Variants in ECPAS observed in about 807,000 individuals in gnomAD.
The protein encoded by ECPAS is proteasome adapter and scaffold protein ECM29.
In ECPAS, 70 loss-of-function variants were observed where a neutral mutation model predicts 255.1. That is an observed-to-expected ratio of 0.27 (90% confidence interval 0.23 to 0.33). The LOEUF is 0.33. ECPAS is among the 10% of genes least tolerant of loss of function. The probability of loss-of-function intolerance (pLI) is 1.00; values close to 1 mark genes in which losing one functional copy is unlikely to be tolerated. For synonymous variants in ECPAS, 784 were observed against 775.0 expected, an observed-to-expected ratio of 1.01 and a Z score of -0.19; for missense variants, 1,817 against 2,206.4, an observed-to-expected ratio of 0.82 and a Z score of 3.54.
At position 111,385,390 on chromosome 9, in the gene ECPAS, CAAT is replaced by C. The variant is rs1267326565; in HGVS notation, c.3577_3579del (p.Ile1193del). ...GTTTCCCAAATTTCTGGAAGTTTAT[CAAT>C]GATGTCATCTAAGGGTCTTCCTCTC... On this transcript the variant is annotated inframe_deletion, in exon 33 of 50. Coordinates refer to ENST00000684092, the MANE Select transcript of ECPAS (RefSeq NM_001364929.1). The C allele has an allele frequency of 8.2e-6, 13 of 1,582,818 alleles. No homozygotes were observed. The highest frequency in any genetic ancestry group is 1.3e-5 in the African/African-American group (1 of 74,444).
chr9:111,373,190 C>A lies in ECPAS; in HGVS notation c.4316G>T (p.Gly1439Val). 6.2e-7 allele frequency: 1 copy of A among 1,613,520 alleles called. No homozygotes were observed. The highest frequency in any genetic ancestry group is 8.5e-7 in the Non-Finnish European group (1 of 1,179,546). The change falls in exon 41 of 50, where the codon GGG (glycine) becomes GTG (valine). Residue 1439 changes from glycine to valine, a missense_variant. This residue lies in a region of ECPAS where 960 missense variants were observed against 1,179.0 expected (regional missense o/e 0.81). Coordinates refer to ENST00000684092, the MANE Select transcript of ECPAS (RefSeq NM_001364929.1). ...STEKLLQKLN[G>V]WYMEKEEPIY... ...GGTACCTTCTTTCTCCATATACCAC[C>A]CATTGAGCTTCTGCAGGAGTTTTTC...
At chr9:111,480,960 A>C (rs975212861) in intron 1 of ECPAS, among the ~76,000 whole-genome samples, 1 of 152,242 alleles carries the variant, frequency 6.6e-6, no homozygotes, top group Non-Finnish European at 1.5e-5. Flanking sequence ...CCACTTCAGA[A>C]TATCCAATTC....
intron 2 of ECPAS, among the ~76,000 whole-genome samples, chr9:111,454,909 G>C (rs1335889187): frequency 1.3e-5 from 2 of 151,806 alleles, no homozygotes; most frequent in Admixed American, 6.6e-5. Context: ...CTCTGGTCTT[G>C]AATTCCTGGT....
intron 2 of ECPAS, among the ~76,000 whole-genome samples, chr9:111,452,738 C>T (rs1291714927): frequency 2.0e-5 from 3 of 152,170 alleles, no homozygotes; most frequent in Admixed American, 6.5e-5. Context: ...GACAGACAGA[C>T]AGATCAACAG....
chr9:111,421,094 A>G (rs947222340), intron 15 of ECPAS, among the ~76,000 whole-genome samples: 4 of 152,206 alleles, frequency 2.6e-5, no homozygotes, highest in South Asian at 2.1e-4. Context: ...ACCTTTGTCC[A>G]TAACATATGA....
At chr9:111,440,311 G>A in intron 6 of ECPAS, 61 bp downstream of exon 6, 1 of 1,433,228 alleles carries the variant, frequency 7.0e-7, no homozygotes, top group Non-Finnish European at 9.5e-7. Context: ...ATTTAAAATA[G>A]TACTTAACTC....
chr9:111,442,016 T>C (rs1321064297), intron 5 of ECPAS, among the ~76,000 whole-genome samples: 1 of 152,252 alleles, frequency 6.6e-6, no homozygotes, highest in Non-Finnish European at 1.5e-5. Flanking sequence ...TTTTTAATTC[T>C]AATTTTTGCA....
intron 10 of ECPAS, among the ~76,000 whole-genome samples, chr9:111,426,494 T>TA (rs2098221813): frequency 6.6e-6 from 1 of 152,032 alleles, no homozygotes; most frequent in African/African-American, 2.4e-5. Context: ...GCCACTGTGC[T>TA]AGGTACTAAG....
At chr9:111,367,768 G>A (rs769415568) in intron 46 of ECPAS, among the ~76,000 whole-genome samples, 4 of 152,060 alleles carry the variant, frequency 2.6e-5, no homozygotes, top group Admixed American at 2.0e-4. Flanking sequence ...TTGTCGCTGG[G>A]CATGGAGGCT....
At chr9:111,380,603 C>T (rs999901996) in intron 35 of ECPAS, among the ~76,000 whole-genome samples, 3 of 152,132 alleles carry the variant, frequency 2.0e-5, no homozygotes, top group African/African-American at 7.2e-5. Context: ...GCGTTGCAGC[C>T]GGGCACTGAC....
Position 111,410,059 on chromosome 9 carries a change from G to A in ECPAS, c.2532C>T (p.Ser844=). ...AACTTACCTTATTTGTTTCTTTACT[G>A]GAAGGTATTCTACTTAGTAAGCTTT... ...LVESLLSRIP[S]SKETNKMKER... is the part of the protein sequence containing the mutation. Residue 844 remains serine, a synonymous_variant, in exon 23 of 50, where the codon TCC becomes TCT. Coordinates refer to ENST00000684092, the MANE Select transcript of ECPAS (RefSeq NM_001364929.1). 6.4e-7 allele frequency: 1 copy of A among 1,566,958 alleles called. No individual in the cohort carries two copies. The highest frequency in any genetic ancestry group is 8.7e-7 in the Non-Finnish European group (1 of 1,155,352).
intron 5 of ECPAS, 71 bp from the exon 6 acceptor site, chr9:111,440,592 A>T: frequency 7.4e-6 from 9 of 1,224,438 alleles, no homozygotes; most frequent in Non-Finnish European, 9.0e-6. Flanking sequence ...ACACAGACAA[A>T]ACAAAAATCA....
Position 111,433,247 on chromosome 9 carries a change from C to G in ECPAS, c.834G>C (p.Leu278Phe). ...GAAGTAGTTACCTCTGTTTGCTTTT[C>G]AATTCCAGGTCTGCTGCCGTTGCCA... The part of the protein sequence containing the change: ...HSVATAADLE[L>F]KSKQSLIDWN... Residue 278 changes from leucine (L) to phenylalanine (F), a missense_variant, in exon 8 of 50, where the codon TTG (leucine) becomes TTC (phenylalanine). Transcript: ENST00000684092. The G allele has an allele frequency of 6.2e-7, 1 of 1,613,900 alleles. No homozygotes were observed. Among genetic ancestry groups the G allele is most frequent in the South Asian group, 1.1e-5 (1 of 91,070 alleles).
At chr9:111,467,463 G>A (rs1044373078) in intron 2 of ECPAS, among the ~76,000 whole-genome samples, 1 of 152,134 alleles carries the variant, frequency 6.6e-6, no homozygotes, top group Non-Finnish European at 1.5e-5. Context: ...TCATGAGCAC[G>A]AATTACTTGC....
intron 22 of ECPAS, among the ~76,000 whole-genome samples, 155 bp downstream of exon 22, chr9:111,410,825 G>A (rs764081510): frequency 6.6e-6 from 1 of 151,980 alleles, no homozygotes; most frequent in Non-Finnish European, 1.5e-5. Context: ...AGCCTTCGTT[G>A]TTACTAAAAA....
intron 30 of ECPAS, 37 bp from the exon 31 acceptor site, chr9:111,389,760 T>C (rs770573114): frequency 3.2e-6 from 5 of 1,562,804 alleles, no homozygotes; most frequent in South Asian, 1.2e-5. Flanking sequence ...AGATGCACCA[T>C]TATAGTAAAA....
Position 111,372,429 on chromosome 9 carries a change from C to T in ECPAS, c.4528G>A (p.Gly1510Arg). ...GTTTAACTCAGGCCACACTACTAAC[C>T]AGGTACGTTTTCCTGCCACACTTCG... is the stretch of plus-strand genomic sequence containing the variant. ...WTEVWQENVPGSFGGIRLYLQ... is the reference protein window; with the variant it reads ...WTEVWQENVPRSFGGIRLYLQ... The change falls in exon 42 of 50, where the codon GGA becomes AGA. Residue 1510 changes from glycine (G) to arginine (R), a missense_variant and splice_region_variant. By Grantham distance (125) the Gly-to-Arg change is moderately radical. Transcript: ENST00000684092. The T allele has an allele frequency of 6.2e-7, 1 of 1,613,122 alleles. No individual in the cohort carries two copies. Among genetic ancestry groups the T allele is most frequent in the Non-Finnish European group, 8.5e-7 (1 of 1,179,380 alleles).
At chr9:111,381,723 A>G (rs901226335) in intron 35 of ECPAS, among the ~76,000 whole-genome samples, 4 of 152,228 alleles carry the variant, frequency 2.6e-5, no homozygotes, top group African/African-American at 9.6e-5. Flanking sequence ...TCATAATCAT[A>G]ATACCATTTT....
rs1475731262 is a variant in ECPAS, at chr9:111,412,034, T to C, written c.2194A>G (p.Lys732Glu). The C allele has an allele frequency of 6.3e-7, 1 of 1,575,068 alleles. No homozygotes were observed. Among genetic ancestry groups the C allele is most frequent in the Non-Finnish European group, 8.6e-7 (1 of 1,168,946 alleles). The change falls in exon 21 of 50, where the codon AAG becomes GAG. Residue 732 changes from lysine to glutamate, a missense_variant. Lys to Glu is a moderately conservative substitution (Grantham distance 56, BLOSUM62 1). Coordinates refer to ENST00000684092, the MANE Select transcript of ECPAS (RefSeq NM_001364929.1). ...CATACGTGATTGTCTTTTGTAGTCT[T>C]TATAAGCTGTTCTATCATTGATTTC... is the stretch of plus-strand genomic sequence containing the variant. ...ELKSMIEQLI[K>E]TTKDNHSPEI... is the part of the protein sequence containing the mutation.
Sources: gnomAD v4.1 joint callset for allele counts (sites outside exome capture counted in the v4.1 genomes callset) on GRCh38, gnomAD v4.1.1 for gene constraint, gnomAD v4.1.1 regional missense constraint, MANE v1.5 for transcripts, NCBI Gene and HGNC (gene_info 2026-07-23, HGNC 2026-07-21) for gene names.